The following MGMT variants were observed in gnomAD, a reference collection of about 807,000 sequenced individuals.
The protein encoded by MGMT is O-6-methylguanine-DNA methyltransferase, also known as methylated-DNA--protein-cysteine methyltransferase.
A neutral mutation model predicts 15.9 loss-of-function variants in MGMT; 14 were observed. The observed-to-expected ratio is 0.88, with a 90% CI of 0.58 to 1.37. MGMT has a LOEUF of 1.37. Ranked by LOEUF, MGMT falls within the 40% of genes most tolerant of loss-of-function variation. The pLI, the probability that MGMT is intolerant of heterozygous loss-of-function variation, is 0.00. For synonymous variants in MGMT, 130 were observed against 118.2 expected (o/e 1.10, Z -0.65); for missense variants, 282 against 268.1 (o/e 1.05, Z -0.36).
intron 2 of MGMT, among the ~76,000 whole-genome samples, chr10:129,603,230 T>C (rs1390795603): frequency 3.3e-5 from 5 of 152,230 alleles, no homozygotes; most frequent in African/African-American, 4.8e-5. Context: ...TATAAAAAAC[T>C]GCTTCTGATT....
rs554088918 is a variant in MGMT, at chr10:129,497,161, T to C, written c.-13+29865T>C. On this transcript the variant is annotated intron_variant, in intron 1 of 4. Coordinates refer to ENST00000651593, the MANE Select transcript of MGMT (RefSeq NM_002412.5). ...GACACTAATCTTAATTTATGATCTA[T>C]TTAACCTTTATATTTCCTAGCCACA... Among the ~76,000 whole-genome samples, 45 of 152,330 alleles carry C rather than the reference T, an allele frequency of 3.0e-4. 2 individuals are homozygous for C. The South Asian group carries it at 9.1e-3, about 31-fold the overall frequency.
intron 2 of MGMT, among the ~76,000 whole-genome samples, chr10:129,647,009 C>A (rs551581320): frequency 6.4e-4 from 98 of 152,016 alleles, no homozygotes; most frequent in African/African-American, 2.3e-3. Flanking sequence ...AGGGGCAGTT[C>A]CCTTCCATTT....
Position 129,656,394 on chromosome 10 carries a change from G to T in MGMT, c.126-51501G>T, listed in dbSNP as rs539974109. ...GTTCCTTGGTACTGCCTCCTGCAGG[G>T]TGAGGAGGGGTGGGGCCTACTTCCA... On this transcript the variant is annotated intron_variant, in intron 2 of 4. Transcript: ENST00000651593. 5.9e-5 allele frequency among the ~76,000 whole-genome samples: 9 copies of T among 152,328 alleles called. No homozygotes were observed. The East Asian group carries it at 1.7e-3, about 29-fold the overall frequency.
At chr10:129,592,134 C>T (rs761414481) in intron 2 of MGMT, among the ~76,000 whole-genome samples, 23 of 152,124 alleles carry the variant, frequency 1.5e-4, no homozygotes, top group Non-Finnish European at 2.5e-4. Context: ...CGGGAGTGGC[C>T]ACTTTTTTCC....
intron 2 of MGMT, among the ~76,000 whole-genome samples, chr10:129,542,086 ATGAGTTTCTGCCCTCGAAACG>A (rs1474318333): frequency 3.9e-5 from 6 of 152,298 alleles, no homozygotes; most frequent in African/African-American, 1.4e-4. Context: ...TGGATGCCCT[ATGAGTTTCTGCCCTCGAAACG>A]TGCCCCATGG....
intron 2 of MGMT, among the ~76,000 whole-genome samples, chr10:129,615,871 G>T (rs1847019588): frequency 6.6e-6 from 1 of 152,148 alleles, no homozygotes; most frequent in Non-Finnish European, 1.5e-5. Flanking sequence ...CACGGCAGGG[G>T]GTGTGGCAGT....
chr10:129,581,831 G>A (rs1267434641), intron 2 of MGMT, among the ~76,000 whole-genome samples: 1 of 152,168 alleles, frequency 6.6e-6, no homozygotes, highest in South Asian at 2.1e-4. Flanking sequence ...ACCATTTCCG[G>A]GGTATCCCCT....
intron 1 of MGMT, among the ~76,000 whole-genome samples, chr10:129,495,233 T>G (rs1317223069): frequency 1.3e-5 from 2 of 152,222 alleles, no homozygotes; most frequent in African/African-American, 4.8e-5. Flanking sequence ...ATAACGTAAT[T>G]TAGAGTTACA....
chr10:129,580,241 A>G (rs936050165), intron 2 of MGMT, among the ~76,000 whole-genome samples: 3 of 152,182 alleles, frequency 2.0e-5, no homozygotes, highest in Non-Finnish European at 2.9e-5. Flanking sequence ...GCGCAGGATC[A>G]GGGGGATGCG....
At chr10:129,705,920 G>A (rs1159693086) in intron 2 of MGMT, among the ~76,000 whole-genome samples, 2 of 152,120 alleles carry the variant, frequency 1.3e-5, no homozygotes, top group African/African-American at 4.8e-5. Flanking sequence ...ACACAGGGCC[G>A]GGCAGACAGG....
intron 2 of MGMT, among the ~76,000 whole-genome samples, chr10:129,650,658 T>A (rs1472498594): frequency 6.6e-6 from 1 of 152,210 alleles, no homozygotes; most frequent in African/African-American, 2.4e-5. Flanking sequence ...AATCGCCACC[T>A]CTGACAGGGA....
chr10:129,690,757 G>T (rs951448420), intron 2 of MGMT, among the ~76,000 whole-genome samples: 3 of 148,958 alleles, frequency 2.0e-5, no homozygotes, highest in African/African-American at 7.8e-5. Context: ...GAGAAGGTCA[G>T]GGGGAGGCAA....
At chr10:129,644,592 G>A (rs765744313) in intron 2 of MGMT, among the ~76,000 whole-genome samples, 15 of 152,186 alleles carry the variant, frequency 9.9e-5, no homozygotes, top group Non-Finnish European at 2.1e-4. Flanking sequence ...TGGAAGGGCC[G>A]AGCCTGGGGA....
chr10:129,770,923 T>G lies in MGMT; in HGVS notation c.*3926T>G, dbSNP rs3802686. On this transcript the variant is annotated 3_prime_UTR_variant, in exon 5 of 5. Coordinates refer to ENST00000651593, the MANE Select transcript of MGMT (RefSeq NM_002412.5). ...TCCCTCAGACCTCAGACCGTGTGGG[T>G]TTTTTTTTCTTTCTTTCTTTCCTGT... 0.01 allele frequency among the ~76,000 whole-genome samples: 1,507 copies of G among 149,672 alleles called. 64 individuals carry two copies. Among genetic ancestry groups the G allele is most frequent in the Admixed American group, 0.069 (1,044 of 15,162 alleles).
chr10:129,645,994 G>A (rs1397766125), intron 2 of MGMT, among the ~76,000 whole-genome samples: 1 of 152,146 alleles, frequency 6.6e-6, no homozygotes, highest in African/African-American at 2.4e-5. Flanking sequence ...CTATGTTTGT[G>A]ACCAAGTCGT....
intron 2 of MGMT, among the ~76,000 whole-genome samples, chr10:129,572,226 G>A (rs12252708): frequency 6.6e-6 from 1 of 152,084 alleles, no homozygotes; most frequent in African/African-American, 2.4e-5. Flanking sequence ...TATCTTAGGA[G>A]TAGTTAATTC....
chr10:129,742,482 C>T (rs1848646290), intron 3 of MGMT, among the ~76,000 whole-genome samples: 1 of 151,496 alleles, frequency 6.6e-6, no homozygotes, highest in Non-Finnish European at 1.5e-5. Flanking sequence ...TGCCCCACTA[C>T]CATAGCAGCC....
intron 2 of MGMT, among the ~76,000 whole-genome samples, chr10:129,706,642 G>A (rs1848166207): frequency 6.6e-6 from 1 of 152,170 alleles, no homozygotes; most frequent in East Asian, 1.9e-4. Context: ...AAGGAAGGAA[G>A]GGAGTCACCT....
At chr10:129,502,543 G>GT (rs1845585178) in intron 1 of MGMT, among the ~76,000 whole-genome samples, 1 of 151,710 alleles carries the variant, frequency 6.6e-6, no homozygotes, top group South Asian at 2.1e-4. Flanking sequence ...TAAAAAATGA[G>GT]TAAAAAAAAA....
Sources: gnomAD v4.1 joint callset for allele counts (sites outside exome capture counted in the v4.1 genomes callset) on GRCh38, gnomAD v4.1.1 for gene constraint, MANE v1.5 for transcripts, NCBI Gene and HGNC (gene_info 2026-07-23, HGNC 2026-07-21) for gene names.